The following IPCEF1 variants were observed in gnomAD, a reference collection of about 807,000 sequenced individuals.
The protein encoded by IPCEF1 is interaction protein for cytohesin exchange factors 1, also known as interactor protein for cytohesin exchange factors 1.
Under a neutral mutation model 50.9 loss-of-function variants are expected in IPCEF1, and 31 were observed. The observed-to-expected ratio is 0.61, with a 90% CI of 0.46 to 0.82. IPCEF1 has a LOEUF of 0.82. Among genes scored for constraint, IPCEF1 ranks in the 40% least tolerant of loss-of-function variants. IPCEF1 has a pLI of 0.00. For synonymous variants in IPCEF1, 181 were observed against 192.0 expected, an observed-to-expected ratio of 0.94 and a Z score of 0.47; for missense variants, 458 against 514.0, an observed-to-expected ratio of 0.89 and a Z score of 1.05.
chr6:154,329,254 T>C (rs1305285751), intron 1 of IPCEF1, among the ~76,000 whole-genome samples: 3 of 151,980 alleles, frequency 2.0e-5, no homozygotes, highest in Non-Finnish European at 4.4e-5. Context: ...TCTAAGAATT[T>C]TTTTTTTAAT....
intron 10 of IPCEF1, among the ~76,000 whole-genome samples, chr6:154,194,655 C>A (rs900885849): frequency 6.6e-6 from 1 of 152,092 alleles, no homozygotes; most frequent in African/African-American, 2.4e-5. Context: ...ACTCCTAACT[C>A]CTAGCTTCAG....
intron 3 of IPCEF1, among the ~76,000 whole-genome samples, chr6:154,248,913 GA>G (rs1170048962): frequency 1.3e-5 from 2 of 151,860 alleles, no homozygotes; most frequent in South Asian, 2.1e-4. Flanking sequence ...CTAATAAACA[GA>G]AAAAAATCAT....
chr6:154,246,250 T>C (rs9383697), intron 5 of IPCEF1, among the ~76,000 whole-genome samples: 41,429 of 151,966 alleles, frequency 0.27, 6,138 homozygotes, highest in Admixed American at 0.45. Flanking sequence ...AAAGGTGCCA[T>C]GTTAAGTGAT....
At chr6:154,229,525 AT>A (rs369132657) in intron 5 of IPCEF1, among the ~76,000 whole-genome samples, 2,683 of 140,686 alleles carry the variant, frequency 0.019, 49 homozygotes, top group African/African-American at 0.054. Flanking sequence ...CATTTTTTGT[AT>A]TTTTTTTTTT....
intron 5 of IPCEF1, among the ~76,000 whole-genome samples, chr6:154,234,085 G>A (rs183324675): frequency 6.6e-6 from 1 of 152,158 alleles, no homozygotes; most frequent in Non-Finnish European, 1.5e-5. Flanking sequence ...ATGTGCACCT[G>A]TGGCCTCAAT....
At chr6:154,262,647 T>C (rs867209839) in intron 3 of IPCEF1, among the ~76,000 whole-genome samples, 1 of 152,170 alleles carries the variant, frequency 6.6e-6, no homozygotes, top group Non-Finnish European at 1.5e-5. Context: ...ATCCTTTCAG[T>C]GGAAAAGGTG....
At chr6:154,296,823 C>T (rs774837693) in intron 1 of IPCEF1, among the ~76,000 whole-genome samples, 20 of 139,414 alleles carry the variant, frequency 1.4e-4, no homozygotes, top group Middle Eastern at 7.1e-3. Context: ...AGAGAGACTC[C>T]GTCTCAAAAA....
At chr6:154,251,851 A>T (rs2128646374) in intron 3 of IPCEF1, among the ~76,000 whole-genome samples, 1 of 152,218 alleles carries the variant, frequency 6.6e-6, no homozygotes, top group South Asian at 2.1e-4. Context: ...GGTGCAAGAG[A>T]AGACGGAAGA....
chr6:154,289,326 T>G (rs1782452521), intron 2 of IPCEF1, among the ~76,000 whole-genome samples: 1 of 151,846 alleles, frequency 6.6e-6, no homozygotes, highest in African/African-American at 2.4e-5. Flanking sequence ...CAGTAAGTAC[T>G]CCATTTCTAG....
chr6:154,340,398 GCAC>G (rs1783885112), intron 1 of IPCEF1, among the ~76,000 whole-genome samples: 3 of 151,954 alleles, frequency 2.0e-5, no homozygotes, highest in African/African-American at 7.2e-5. Context: ...TTACAGGCGT[GCAC>G]CACCAATGCC....
chr6:154,160,729 T>C (rs1798940531), intron 11 of IPCEF1, among the ~76,000 whole-genome samples: 1 of 152,182 alleles, frequency 6.6e-6, no homozygotes, highest in Non-Finnish European at 1.5e-5. Flanking sequence ...ATAAATAAGA[T>C]GTTCATCCTC....
chr6:154,233,771 T>G (rs567683294), intron 5 of IPCEF1, among the ~76,000 whole-genome samples: 1 of 152,268 alleles, frequency 6.6e-6, no homozygotes, highest in South Asian at 2.1e-4. Context: ...CTGGCAAGAC[T>G]TCCTGCCACC....
intron 5 of IPCEF1, among the ~76,000 whole-genome samples, chr6:154,246,194 G>A (rs1363863508): frequency 1.3e-5 from 2 of 152,324 alleles, no homozygotes; most frequent in South Asian, 2.1e-4. Flanking sequence ...CACCCTTGTA[G>A]GTCGTGAAGC....
intron 9 of IPCEF1, among the ~76,000 whole-genome samples, chr6:154,200,960 T>C (rs1006054614): frequency 1.3e-5 from 2 of 152,090 alleles, no homozygotes; most frequent in East Asian, 1.9e-4. Flanking sequence ...TGGGAGGTGA[T>C]TGGATCATGG....
In IPCEF1 at chr6:154,301,674, A is replaced by G. The variant is rs567872702; in HGVS notation, c.-61-11918T>C. ...TTGAGCCCTGGGACTTCGGGGGATC[A>G]TGATCACTGAAATTGTGTGGATAAT... is the stretch of plus-strand genomic sequence containing the variant. On this transcript the variant is annotated intron_variant, in intron 1 of 11. Transcript: ENST00000367220. 1.8e-4 allele frequency among the ~76,000 whole-genome samples: 28 copies of G among 152,322 alleles called. 1 individual carries two copies. The highest frequency in any genetic ancestry group is 5.8e-4 in the African/African-American group (24 of 41,566).
At chr6:154,221,621 C>T (rs1048027487) in intron 6 of IPCEF1, among the ~76,000 whole-genome samples, 8 of 152,136 alleles carry the variant, frequency 5.3e-5, no homozygotes, top group African/African-American at 1.9e-4. Flanking sequence ...CGCCTGTAAT[C>T]CTAGCACTTT....
intron 10 of IPCEF1, among the ~76,000 whole-genome samples, chr6:154,184,141 G>T (rs1459457776): frequency 6.6e-6 from 1 of 151,510 alleles, no homozygotes; most frequent in Admixed American, 6.6e-5. Context: ...TTGAAGAATT[G>T]CTTGGTCCAA....
At chr6:154,277,945 C>T (rs889317141) in intron 2 of IPCEF1, among the ~76,000 whole-genome samples, 11 of 152,106 alleles carry the variant, frequency 7.2e-5, no homozygotes, top group Non-Finnish European at 1.3e-4. Flanking sequence ...CTTTCCCACT[C>T]GTACCTCACC....
intron 1 of IPCEF1, among the ~76,000 whole-genome samples, chr6:154,327,188 T>C (rs1428067886): frequency 6.6e-6 from 1 of 152,100 alleles, no homozygotes; most frequent in Non-Finnish European, 1.5e-5. Context: ...CCAAAAGTAA[T>C]TGCAACAAAA....
Sources: allele counts gnomAD v4.1 joint callset (sites outside exome capture counted in the v4.1 genomes callset), GRCh38; gene constraint gnomAD v4.1.1; transcripts MANE v1.5; gene names NCBI Gene and HGNC (gene_info 2026-07-23, HGNC 2026-07-21).